DIAPH1: variants seen among roughly 807,000 people sequenced by gnomAD.
DIAPH1 encodes protein diaphanous homolog 1.
Under a neutral mutation model 140.7 loss-of-function variants are expected in DIAPH1, and 46 were observed. The observed-to-expected ratio is 0.33, with a 90% CI of 0.26 to 0.42. DIAPH1 has a LOEUF of 0.42. DIAPH1 is among the 10% of genes least tolerant of loss of function. The probability of loss-of-function intolerance (pLI) is 1.00; values close to 1 mark genes in which losing one functional copy is unlikely to be tolerated. For missense variants in DIAPH1, 1,310 were observed against 1,558.7 expected (o/e 0.84, Z 2.69); for synonymous variants, 565 against 551.6 (o/e 1.02, Z -0.34).
At chr5:141,610,221 T>C (rs1221103484) in intron 1 of DIAPH1, among the ~76,000 whole-genome samples, 1 of 152,142 alleles carries the variant, frequency 6.6e-6, no homozygotes, top group Non-Finnish European at 1.5e-5. Context: ...AACCTCCGTC[T>C]CCTGGGTTCA....
chr5:141,579,287 T>A (rs2099896401), intron 8 of DIAPH1, 91 bp from the exon 9 acceptor site: 3 of 920,858 alleles, frequency 3.3e-6, no homozygotes, highest in Non-Finnish European at 5.5e-6. Flanking sequence ...ACAGACCGAT[T>A]AGGAAACAGG....
At position 141,515,235 on chromosome 5, in the gene DIAPH1, C is replaced by G. The variant is rs1427744036; in HGVS notation, c.*1616G>C. 6.6e-6 allele frequency: 1 copy of G among 152,362 alleles called. No homozygotes were observed. The highest frequency in any genetic ancestry group is 1.5e-5 in the Non-Finnish European group (1 of 68,004). 9.4% of individuals were successfully genotyped at this position (152,362 alleles called of 1,614,324 possible). A position where few individuals can be genotyped will look rare whatever the true frequency, so the allele number is the denominator to read the frequency against. ...ATGTCAGCGAGCAGGGAGGAGGTGA[C>G]CCAGGGGAGCAACAGACGCCCTGCA... On this transcript the variant is annotated 3_prime_UTR_variant, in exon 28 of 28. Coordinates refer to ENST00000389054, the MANE Select transcript of DIAPH1 (RefSeq NM_005219.5).
At chr5:141,525,892 T>G in intron 26 of DIAPH1, 146 bp downstream of exon 26, 1 of 1,291,284 alleles carries the variant, frequency 7.7e-7, no homozygotes, top group African/African-American at 1.5e-5. Flanking sequence ...GGGGTTAAAG[T>G]CCGGCATCAG....
chr5:141,599,851 A>T (rs1376207558), intron 1 of DIAPH1, among the ~76,000 whole-genome samples: 5 of 152,166 alleles, frequency 3.3e-5, no homozygotes, highest in African/African-American at 1.2e-4. Flanking sequence ...TGATTAGATT[A>T]CATTTTAGGC....
intron 27 of DIAPH1, among the ~76,000 whole-genome samples, chr5:141,523,056 C>T (rs1044830291): frequency 3.3e-5 from 5 of 152,224 alleles, no homozygotes; most frequent in Non-Finnish European, 5.9e-5. Context: ...TAAGGTCCCC[C>T]TTTCCAGGCT....
chr5:141,587,159 C>T lies in DIAPH1; in HGVS notation c.183G>A (p.Lys61=), dbSNP rs1446403385. ...TTCTATGAGCAGAATTGGGCTTTTC[C>T]TTCTCCTTCTTAATTCTCATGCTGG... is the stretch of plus-strand genomic sequence containing the variant. ...RFTSMRIKKE[K]EKPNSAHRNS... Residue 61 remains lysine (K), a synonymous_variant, in exon 3 of 28, where the codon AAG becomes AAA. Coordinates refer to ENST00000389054, the MANE Select transcript of DIAPH1 (RefSeq NM_005219.5). The T allele has an allele frequency of 6.2e-7, 1 of 1,614,020 alleles. No individual in the cohort carries two copies. The highest frequency in any genetic ancestry group is 8.5e-7 in the Non-Finnish European group (1 of 1,180,018).
chr5:141,545,934 T>C (rs1170461521), intron 18 of DIAPH1, among the ~76,000 whole-genome samples: 1 of 152,188 alleles, frequency 6.6e-6, no homozygotes, highest in Non-Finnish European at 1.5e-5. Context: ...CTTTCCATTT[T>C]AAAGGAATAT....
At chr5:141,597,125 A>C (rs1562341426) in intron 1 of DIAPH1, among the ~76,000 whole-genome samples, 1 of 152,198 alleles carries the variant, frequency 6.6e-6, no homozygotes, top group Non-Finnish European at 1.5e-5. Context: ...AATAGAGAGC[A>C]AGTTATCAAG....
intron 18 of DIAPH1, among the ~76,000 whole-genome samples, chr5:141,561,065 C>T (rs1235064300): frequency 2.6e-5 from 4 of 151,872 alleles, no homozygotes; most frequent in African/African-American, 9.7e-5. Flanking sequence ...CAACTGCGCG[C>T]ACCCCGTGGC....
intron 1 of DIAPH1, among the ~76,000 whole-genome samples, chr5:141,601,848 A>G (rs2099900190): frequency 1.3e-5 from 2 of 152,334 alleles, no homozygotes; most frequent in East Asian, 3.9e-4. Flanking sequence ...ATTGTTACGA[A>G]TAGCTCAGTA....
chr5:141,523,658 T>C (rs2099886887), intron 27 of DIAPH1, among the ~76,000 whole-genome samples: 1 of 151,814 alleles, frequency 6.6e-6, no homozygotes, highest in African/African-American at 2.4e-5. Context: ...TCTATATTTT[T>C]CTATCTGGGA....
Position 141,574,013 on chromosome 5 carries a change from G to T in DIAPH1, c.1837C>A (p.Pro613Thr). The change falls in exon 16 of 28, where the codon CCT becomes ACT. Residue 613 changes from proline (P) to threonine (T), a missense_variant. By Grantham distance (38) the Pro-to-Thr change is conservative. Around this residue, in one of 3 missense-constraint regions of DIAPH1, gnomAD observed 589 missense variants for 549.3 expected, o/e 1.07. Transcript: ENST00000389054. ...AAAGGAGGTGGAGGAGGAGGAGGAG[G>T]AGGAGGAGGAGGAGGAGTGGTACTA... ...GDSTTPPPPP[P>T]PPPPPPPLPG... is the part of the protein sequence containing the mutation. 6.4e-7 allele frequency: 1 copy of T among 1,559,098 alleles called. No homozygotes were observed.
intron 2 of DIAPH1, among the ~76,000 whole-genome samples, 197 bp downstream of exon 2, chr5:141,588,023 AACTT>A (rs1293833127): frequency 6.6e-6 from 1 of 152,240 alleles, no homozygotes; most frequent in Non-Finnish European, 1.5e-5. Flanking sequence ...GAGCATGCCT[AACTT>A]CGGAAGATAA....
chr5:141,559,752 A>T (rs2099893225), intron 18 of DIAPH1, among the ~76,000 whole-genome samples: 1 of 152,184 alleles, frequency 6.6e-6, no homozygotes, highest in Non-Finnish European at 1.5e-5. Flanking sequence ...CACTATCCCA[A>T]ACAAGGACTC....
At chr5:141,617,308 A>G (rs2099902840) in intron 1 of DIAPH1, among the ~76,000 whole-genome samples, 1 of 152,144 alleles carries the variant, frequency 6.6e-6, no homozygotes, top group Admixed American at 6.5e-5. Context: ...AGGGGGGGAA[A>G]AAAAGATGTT....
At chr5:141,564,205 G>C (rs1389459489) in intron 18 of DIAPH1, 2 of 152,222 alleles carry the variant, frequency 1.3e-5, no homozygotes, top group African/African-American at 2.4e-5. Context: ...AGATCCTTTT[G>C]TAAAAGGGCA....
At chr5:141,563,316 T>C (rs1422510870) in intron 18 of DIAPH1, 1 of 152,198 alleles carries the variant, frequency 6.6e-6, no homozygotes, top group Admixed American at 6.5e-5. Flanking sequence ...AAATGTTGAA[T>C]TGTTTCCTAA....
At chr5:141,527,762 C>A in intron 23 of DIAPH1, 65 bp from the exon 24 acceptor site, 4 of 1,494,320 alleles carry the variant, frequency 2.7e-6, no homozygotes, top group Admixed American at 2.3e-5. Context: ...ATAATCCCAG[C>A]CTCAACACCC....
chr5:141,581,716 G>C (rs1054549014), intron 7 of DIAPH1, among the ~76,000 whole-genome samples: 1 of 152,098 alleles, frequency 6.6e-6, no homozygotes, highest in African/African-American at 2.4e-5. Flanking sequence ...AAATATTGCA[G>C]AGACAATAAC....
Sources: allele counts gnomAD v4.1 joint callset (sites outside exome capture counted in the v4.1 genomes callset), GRCh38; gene constraint gnomAD v4.1.1; regional missense constraint gnomAD v4.1.1; transcripts MANE v1.5; gene names NCBI Gene and HGNC (gene_info 2026-07-23, HGNC 2026-07-21).